Variants in GRID2 observed in about 807,000 individuals in gnomAD.
GRID2 encodes glutamate ionotropic receptor delta type subunit 2.
In GRID2, 33 loss-of-function variants were observed where a neutral mutation model predicts 114.8. The ratio of observed to expected loss-of-function variants is 0.29; its 90% CI spans 0.22 to 0.38. The LOEUF (loss-of-function observed/expected upper bound fraction) is 0.38. Ranked by LOEUF, GRID2 falls within the 10% of genes least tolerant of loss-of-function variation. The pLI is 1.00. For synonymous variants in GRID2, 505 were observed against 449.9 expected (o/e 1.12, Z -1.55); for missense variants, 1,184 against 1,257.7 (o/e 0.94, Z 0.89).
At chr4:92,984,551 C>G (rs777097823) in intron 2 of GRID2, among the ~76,000 whole-genome samples, 1 of 152,186 alleles carries the variant, frequency 6.6e-6, no homozygotes, top group Admixed American at 6.5e-5. Flanking sequence ...ATGGATACAT[C>G]TATTATCTCA....
At chr4:92,841,343 A>G (rs2149410059) in intron 2 of GRID2, among the ~76,000 whole-genome samples, 1 of 152,166 alleles carries the variant, frequency 6.6e-6, no homozygotes, top group East Asian at 1.9e-4. Context: ...AGAAATAACA[A>G]GATAGTTTAT....
At chr4:93,787,669 G>T (rs148956165) in intron 1 of GRID2, among the ~76,000 whole-genome samples, 116 of 152,128 alleles carry the variant, frequency 7.6e-4, no homozygotes, top group Non-Finnish European at 1.4e-3. Context: ...GAGGAGTTTC[G>T]CAGTCTTGTT....
At chr4:93,192,027 T>A (rs1353076085) in intron 4 of GRID2, among the ~76,000 whole-genome samples, 2 of 152,200 alleles carry the variant, frequency 1.3e-5, no homozygotes, top group East Asian at 3.8e-4. Flanking sequence ...ATTCTACATT[T>A]GAAGACTTGA....
intron 1 of GRID2, among the ~76,000 whole-genome samples, chr4:92,462,351 T>C (rs974806895): frequency 6.6e-6 from 1 of 152,002 alleles, no homozygotes; most frequent in Non-Finnish European, 1.5e-5. Flanking sequence ...TGAGGGGAAA[T>C]AAGTAAATAG....
At chr4:92,452,181 G>A (rs1418536335) in intron 1 of GRID2, among the ~76,000 whole-genome samples, 1 of 152,104 alleles carries the variant, frequency 6.6e-6, no homozygotes, top group South Asian at 2.1e-4. Context: ...CCCTAACAGT[G>A]AAAGTTTTAA....
At chr4:93,071,499 A>G (rs947056983) in intron 2 of GRID2, among the ~76,000 whole-genome samples, 1 of 152,162 alleles carries the variant, frequency 6.6e-6, no homozygotes, top group African/African-American at 2.4e-5. Flanking sequence ...AATGATGATA[A>G]CTATTAAGGA....
intron 2 of GRID2, among the ~76,000 whole-genome samples, chr4:92,998,714 A>G (rs1481257922): frequency 1.3e-5 from 2 of 151,756 alleles, no homozygotes; most frequent in Non-Finnish European, 2.9e-5. Flanking sequence ...GTCCATGACT[A>G]TAGAATCATT....
At chr4:93,691,748 T>G (rs17021003) in intron 14 of GRID2, among the ~76,000 whole-genome samples, 6,242 of 152,158 alleles carry the variant, frequency 0.041, 195 homozygotes, top group African/African-American at 0.081. Context: ...ACCTGAATTC[T>G]ATAGCTATGC....
intron 14 of GRID2, among the ~76,000 whole-genome samples, chr4:93,737,689 C>T (rs1010320079): frequency 7.9e-5 from 12 of 151,944 alleles, no homozygotes; most frequent in African/African-American, 2.7e-4. Flanking sequence ...CCACATTGAC[C>T]CTCATATCGA....
chr4:92,466,135 T>G (rs1560649417), intron 1 of GRID2, among the ~76,000 whole-genome samples: 1 of 151,832 alleles, frequency 6.6e-6, no homozygotes, highest in Non-Finnish European at 1.5e-5. Flanking sequence ...TAATGGACAG[T>G]TAATTTTACT....
At chr4:92,634,732 A>G (rs568615212) in intron 2 of GRID2, among the ~76,000 whole-genome samples, 122 of 141,434 alleles carry the variant, frequency 8.6e-4, no homozygotes, top group African/African-American at 2.9e-3. Flanking sequence ...TATTAGAAAC[A>G]TTTCTTTTTT....
intron 2 of GRID2, among the ~76,000 whole-genome samples, chr4:92,601,555 C>T (rs541474462): frequency 2.8e-4 from 42 of 152,132 alleles, no homozygotes; most frequent in African/African-American, 9.6e-4. Flanking sequence ...AAATTTATAG[C>T]ACTAAAGGCC....
chr4:92,446,798 C>G (rs1733494226), intron 1 of GRID2, among the ~76,000 whole-genome samples: 1 of 152,190 alleles, frequency 6.6e-6, no homozygotes, highest in Non-Finnish European at 1.5e-5. Flanking sequence ...GGGTGAAATG[C>G]AGAGAATATC....
At chr4:93,436,606 G>A (rs151326966) in intron 10 of GRID2, among the ~76,000 whole-genome samples, 19 of 152,138 alleles carry the variant, frequency 1.2e-4, no homozygotes, top group African/African-American at 4.6e-4. Context: ...AAAAACAATA[G>A]AATAAGTTAC....
At chr4:93,261,168 A>G (rs1246143256) in intron 8 of GRID2, among the ~76,000 whole-genome samples, 1 of 151,874 alleles carries the variant, frequency 6.6e-6, no homozygotes, top group Non-Finnish European at 1.5e-5. Flanking sequence ...AAAAACATCA[A>G]TACTCAAGCT....
chr4:93,503,703 A>C (rs1378660959), intron 12 of GRID2, among the ~76,000 whole-genome samples: 2 of 151,920 alleles, frequency 1.3e-5, no homozygotes, highest in Non-Finnish European at 2.9e-5. Flanking sequence ...AAGTGATCCA[A>C]TTCTTCGCTC....
chr4:93,445,145 C>T (rs1481709099), intron 10 of GRID2, among the ~76,000 whole-genome samples: 1 of 152,006 alleles, frequency 6.6e-6, no homozygotes, highest in Non-Finnish European at 1.5e-5. Context: ...TTATCTTCCT[C>T]CTTTCTTCTG....
chr4:93,583,678 A>G (rs971236851), intron 13 of GRID2, among the ~76,000 whole-genome samples: 2 of 152,146 alleles, frequency 1.3e-5, no homozygotes, highest in Non-Finnish European at 2.9e-5. Context: ...AGAATCAGAT[A>G]TAACAAAATT....
At chr4:93,661,848 T>C (rs78598553) in intron 14 of GRID2, among the ~76,000 whole-genome samples, 89 of 152,274 alleles carry the variant, frequency 5.8e-4, no homozygotes, top group Non-Finnish European at 1.1e-3. Context: ...GTGGTTCTTA[T>C]TATATAAACC....
Sources: allele counts gnomAD v4.1 joint callset (sites outside exome capture counted in the v4.1 genomes callset), GRCh38; gene constraint gnomAD v4.1.1; transcripts MANE v1.5; gene names NCBI Gene and HGNC (gene_info 2026-07-23, HGNC 2026-07-21).